Variants in SNAP91 observed in about 807,000 individuals in gnomAD.
The protein encoded by SNAP91 is clathrin coat assembly protein AP180.
Under a neutral mutation model 100.3 loss-of-function variants are expected in SNAP91, and 27 were observed. The ratio of observed to expected loss-of-function variants is 0.27; its 90% CI spans 0.20 to 0.37. The LOEUF (loss-of-function observed/expected upper bound fraction) is 0.37, where lower values mean the gene tolerates loss of function less well. SNAP91 is among the 10% of genes least tolerant of loss of function. SNAP91 has a pLI of 1.00. For synonymous variants in SNAP91, 404 were observed against 398.6 expected, an observed-to-expected ratio of 1.01 and a Z score of -0.16; for missense variants, 986 against 1,123.7, an observed-to-expected ratio of 0.88 and a Z score of 1.75.
chr6:83,568,482 A>AATAATAATAATC (rs1446508449), intron 26 of SNAP91, among the ~76,000 whole-genome samples: 7 of 19,276 alleles, frequency 3.6e-4, no homozygotes, highest in African/African-American at 6.6e-4. Flanking sequence ...AAAGTATAAT[A>AATAATAATAATC]ATAATAATAA....
intron 11 of SNAP91, chr6:83,611,420 AC>A (rs2096064630): frequency 2.2e-6 from 1 of 455,668 alleles, no homozygotes; most frequent in Admixed American, 2.4e-5. Flanking sequence ...TTCAGAAATA[AC>A]TGCCAGAACA....
intron 2 of SNAP91, among the ~76,000 whole-genome samples, chr6:83,677,398 T>G (rs2098925317): frequency 6.6e-6 from 1 of 152,142 alleles, no homozygotes; most frequent in African/African-American, 2.4e-5. Flanking sequence ...GAGGAGATAA[T>G]GACCATGAAT....
chr6:83,577,561 T>C (rs945845411), intron 24 of SNAP91, among the ~76,000 whole-genome samples: 6 of 152,114 alleles, frequency 3.9e-5, no homozygotes, highest in Non-Finnish European at 8.8e-5. Flanking sequence ...CCTGAGGGCC[T>C]GGGCCTCTGT....
intron 26 of SNAP91, among the ~76,000 whole-genome samples, chr6:83,562,027 A>T (rs1041090176): frequency 1.3e-5 from 2 of 152,176 alleles, no homozygotes; most frequent in Non-Finnish European, 2.9e-5. Flanking sequence ...CCTGTCTCTA[A>T]AAAAACATCA....
At chr6:83,680,950 T>C (rs2098980420) in intron 2 of SNAP91, among the ~76,000 whole-genome samples, 1 of 152,136 alleles carries the variant, frequency 6.6e-6, no homozygotes. Context: ...TACCTAGTTT[T>C]GGTTGTGGCC....
At chr6:83,700,514 A>G (rs906241557) in intron 2 of SNAP91, among the ~76,000 whole-genome samples, 7 of 151,860 alleles carry the variant, frequency 4.6e-5, no homozygotes, top group Non-Finnish European at 7.4e-5. Context: ...TTACTCACTA[A>G]AAGTGAAGTA....
At chr6:83,594,758 G>A (rs1346421486) in intron 16 of SNAP91, among the ~76,000 whole-genome samples, 2 of 151,846 alleles carry the variant, frequency 1.3e-5, no homozygotes, top group Admixed American at 1.3e-4. Context: ...GCTCTGAGAA[G>A]CATGTTTTAT....
At chr6:83,664,506 G>C (rs1337397242) in intron 3 of SNAP91, among the ~76,000 whole-genome samples, 2 of 152,138 alleles carry the variant, frequency 1.3e-5, no homozygotes, top group Non-Finnish European at 2.9e-5. Flanking sequence ...GGAAGTAACT[G>C]CAGATGTGTG....
At chr6:83,615,170 T>C (rs2096406011) in intron 10 of SNAP91, among the ~76,000 whole-genome samples, 1 of 152,124 alleles carries the variant, frequency 6.6e-6, no homozygotes, top group South Asian at 2.1e-4. Flanking sequence ...CGAATTTAGA[T>C]TTGAAGTCAG....
At chr6:83,676,151 T>C (rs2098889089) in intron 2 of SNAP91, among the ~76,000 whole-genome samples, 1 of 151,798 alleles carries the variant, frequency 6.6e-6, no homozygotes, top group African/African-American at 2.4e-5. Context: ...TGTTGATTAA[T>C]ATATTAATTC....
chr6:83,652,153 G>A (rs906575843), intron 7 of SNAP91, among the ~76,000 whole-genome samples: 1 of 151,986 alleles, frequency 6.6e-6, no homozygotes, highest in Non-Finnish European at 1.5e-5. Context: ...GATCTACTCT[G>A]GTAATCTCTG....
At chr6:83,568,095 A>C (rs10755431) in intron 26 of SNAP91, among the ~76,000 whole-genome samples, 116,554 of 150,720 alleles carry the variant, frequency 0.77, 45,530 homozygotes, top group East Asian at 0.88. Flanking sequence ...GGAACCAACC[A>C]AAATGTCCAA....
chr6:83,640,566 G>A (rs923073010), intron 8 of SNAP91, among the ~76,000 whole-genome samples: 3 of 151,930 alleles, frequency 2.0e-5, no homozygotes, highest in Non-Finnish European at 4.4e-5. Flanking sequence ...AGTTACACAG[G>A]TATTCTAATC....
At chr6:83,569,159 T>C (rs1373266757) in intron 26 of SNAP91, among the ~76,000 whole-genome samples, 1 of 152,168 alleles carries the variant, frequency 6.6e-6, no homozygotes, top group East Asian at 1.9e-4. Flanking sequence ...AGAGAGCCTG[T>C]ATATTGTGGT....
intron 8 of SNAP91, among the ~76,000 whole-genome samples, chr6:83,635,886 A>G (rs1262022152): frequency 6.6e-6 from 1 of 152,150 alleles, no homozygotes; most frequent in Non-Finnish European, 1.5e-5. Context: ...TTCCCTTAGC[A>G]ATTGCTTGTC....
At chr6:83,673,326 T>C (rs1414989992) in intron 2 of SNAP91, among the ~76,000 whole-genome samples, 1 of 152,098 alleles carries the variant, frequency 6.6e-6, no homozygotes, top group Non-Finnish European at 1.5e-5. Context: ...TAGTATCTTA[T>C]AAGAGAGTCC....
chr6:83,576,922 A>G (rs1819738433), intron 24 of SNAP91, among the ~76,000 whole-genome samples: 1 of 152,238 alleles, frequency 6.6e-6, no homozygotes, highest in Admixed American at 6.5e-5. Context: ...ATATTAGTAA[A>G]GAAAACAGTC....
At chr6:83,686,782 T>C (rs1218057594) in intron 2 of SNAP91, 2 of 152,210 alleles carry the variant, frequency 1.3e-5, no homozygotes, top group African/African-American at 4.8e-5. Flanking sequence ...TCTTTACTGC[T>C]GTTTCCCATG....
intron 26 of SNAP91, among the ~76,000 whole-genome samples, chr6:83,566,976 T>C (rs968226799): frequency 1.3e-5 from 2 of 152,192 alleles, no homozygotes; most frequent in Admixed American, 6.5e-5. Context: ...CATTCTTCAC[T>C]TAAATAAACT....
Sources: gnomAD v4.1 joint callset for allele counts (sites outside exome capture counted in the v4.1 genomes callset) on GRCh38, gnomAD v4.1.1 for gene constraint, MANE v1.5 for transcripts, NCBI Gene and HGNC (gene_info 2026-07-23, HGNC 2026-07-21) for gene names.